ATP10A: variants seen among roughly 807,000 people sequenced by gnomAD.
ATP10A encodes the protein phospholipid-transporting ATPase VA.
In ATP10A, 111 loss-of-function variants were observed where a neutral mutation model predicts 147.8. The ratio of observed to expected loss-of-function variants is 0.75; its 90% CI spans 0.64 to 0.88. The LOEUF (loss-of-function observed/expected upper bound fraction) is 0.88. ATP10A is among the 40% of genes least tolerant of loss of function. ATP10A has a pLI of 0.00. For synonymous variants in ATP10A, 875 were observed against 841.6 expected (o/e 1.04, Z -0.69); for missense variants, 1,927 against 1,959.0 (o/e 0.98, Z 0.31).
At chr15:25,759,130 T>A (rs570671342) in intron 2 of ATP10A, among the ~76,000 whole-genome samples, 1 of 152,374 alleles carries the variant, frequency 6.6e-6, no homozygotes, top group African/African-American at 2.4e-5. Flanking sequence ...TTGTTCCATC[T>A]GTAAGGGCGC....
At chr15:25,765,730 A>G (rs979977106) in intron 2 of ATP10A, among the ~76,000 whole-genome samples, 11 of 152,214 alleles carry the variant, frequency 7.2e-5, no homozygotes, top group African/African-American at 2.2e-4. Flanking sequence ...AGACAGAGGT[A>G]TTGTATTCAT....
intron 2 of ATP10A, among the ~76,000 whole-genome samples, chr15:25,764,067 A>G (rs1004474265): frequency 1.3e-5 from 2 of 152,290 alleles, no homozygotes; most frequent in African/African-American, 2.4e-5. Flanking sequence ...AGGGCTTCTC[A>G]GTCTCCAATG....
At chr15:25,707,123 G>A (rs967396485) in intron 12 of ATP10A, among the ~76,000 whole-genome samples, 1 of 152,220 alleles carries the variant, frequency 6.6e-6, no homozygotes, top group Non-Finnish European at 1.5e-5. Context: ...AATGTGTGCA[G>A]ATATATGTTA....
chr15:25,698,262 C>G (rs1900462678), intron 13 of ATP10A, among the ~76,000 whole-genome samples: 1 of 152,230 alleles, frequency 6.6e-6, no homozygotes, highest in Non-Finnish European at 1.5e-5. Flanking sequence ...ACTATCCTCA[C>G]AGTTTTTCTC....
At chr15:25,707,162 C>T (rs1213545535) in intron 12 of ATP10A, among the ~76,000 whole-genome samples, 1 of 152,158 alleles carries the variant, frequency 6.6e-6, no homozygotes, top group Non-Finnish European at 1.5e-5. Context: ...CTATTAAATG[C>T]AAACCTTAAC....
intron 13 of ATP10A, among the ~76,000 whole-genome samples, chr15:25,701,408 C>A (rs964081287): frequency 6.6e-6 from 1 of 152,176 alleles, no homozygotes; most frequent in Non-Finnish European, 1.5e-5. Flanking sequence ...AGACAGTTCC[C>A]TGCTCCATTC....
intron 1 of ATP10A, among the ~76,000 whole-genome samples, chr15:25,854,755 A>C (rs1323403551): frequency 2.0e-5 from 3 of 152,186 alleles, no homozygotes; most frequent in Admixed American, 2.0e-4. Flanking sequence ...ATCTTCACAA[A>C]ATCTTCCAAA....
rs1483459450 is a variant in ATP10A at position 25,679,494 on chromosome 15, C to G, written c.4347G>C (p.Arg1449Ser). ...NWISSWSLVS[R>S]LGSVLQFSRT... ...GGGAGAACTGTAAGACACTCCCCAG[C>G]CTGCTGACCAGCGACCAGGAGGAAA... Residue 1449 changes from arginine to serine, a missense_variant, in exon 21 of 21, where the codon AGG becomes AGC. Transcript: ENST00000555815. 2 of 1,613,910 alleles carry G rather than the reference C, an allele frequency of 1.2e-6. No individual in the cohort carries two copies.
At chr15:25,742,958 G>A (rs371728253) in intron 2 of ATP10A, among the ~76,000 whole-genome samples, 2 of 152,224 alleles carry the variant, frequency 1.3e-5, no homozygotes, top group Non-Finnish European at 2.9e-5. Context: ...CACTACAGGT[G>A]GGGGTGATGG....
chr15:25,743,051 GCT>G (rs1189921761), intron 2 of ATP10A, among the ~76,000 whole-genome samples: 1 of 152,170 alleles, frequency 6.6e-6, no homozygotes, highest in African/African-American at 2.4e-5. Context: ...GAGAAAAGGT[GCT>G]CTCTCTGTGC....
At chr15:25,714,375 A>T (rs1368537247) in intron 9 of ATP10A, 134 bp from the exon 10 acceptor site, 2 of 753,982 alleles carry the variant, frequency 2.7e-6, no homozygotes, top group Non-Finnish European at 2.1e-6. Context: ...CTCAGAGCAC[A>T]GATTTCCCAT....
At chr15:25,725,147 AC>A (rs1182099565) in intron 5 of ATP10A, among the ~76,000 whole-genome samples, 1 of 152,112 alleles carries the variant, frequency 6.6e-6, no homozygotes, top group Non-Finnish European at 1.5e-5. Context: ...AGGAGCACGA[AC>A]CCTATTGTGA....
At chr15:25,758,793 C>A (rs1888579982) in intron 2 of ATP10A, among the ~76,000 whole-genome samples, 1 of 135,766 alleles carries the variant, frequency 7.4e-6, no homozygotes, top group Non-Finnish European at 1.5e-5. Context: ...TCATTCCGAC[C>A]ACCTGCTCCA....
chr15:25,690,487 G>A lies in ATP10A; in HGVS notation c.3165+1228C>T, dbSNP rs774660946. On this transcript the variant is annotated intron_variant, in intron 15 of 20. Coordinates refer to ENST00000555815, the MANE Select transcript of ATP10A (RefSeq NM_024490.4). ...ACTCCTGGCCTCTGGTGATCCTCCT[G>A]TCTTGTCCTTCCAAAGTACTGAAAT... 1.4e-4 allele frequency among the ~76,000 whole-genome samples: 21 copies of A among 152,302 alleles called. No homozygotes were observed. The Middle Eastern group carries it at 0.014, about 99-fold the overall frequency.
intron 10 of ATP10A, among the ~76,000 whole-genome samples, chr15:25,712,686 A>C (rs1377418453): frequency 6.6e-6 from 1 of 152,244 alleles, no homozygotes; most frequent in Non-Finnish European, 1.5e-5. Flanking sequence ...ACTCCAAGGC[A>C]GAGCCACTGC....
At chr15:25,812,054 C>T (rs1370952176) in intron 1 of ATP10A, among the ~76,000 whole-genome samples, 2 of 152,206 alleles carry the variant, frequency 1.3e-5, no homozygotes, top group Admixed American at 6.5e-5. Context: ...GGCGCAAACA[C>T]GCTCCCCTAA....
rs368371177 is a variant in ATP10A, at chr15:25,798,850, C to T, written c.450-17627G>A. Among the ~76,000 whole-genome samples the T allele has an allele frequency of 2.3e-4, 35 of 152,268 alleles. No individual in the cohort carries two copies. In the South Asian group the frequency reaches 7.1e-3, roughly 31 times the overall value. ...CCTTCACTCCTCCTCGGGAGGGCACCGTGCGCCTCCCGCATCCACCAGCCC... is the reference window on the plus strand; with the variant it reads ...CCTTCACTCCTCCTCGGGAGGGCACTGTGCGCCTCCCGCATCCACCAGCCC... On this transcript the variant is annotated intron_variant, in intron 1 of 20. Transcript: ENST00000555815.
At chr15:25,736,216 G>A in intron 2 of ATP10A, 75 bp from the exon 3 acceptor site, 1 of 1,271,138 alleles carries the variant, frequency 7.9e-7, no homozygotes, top group Non-Finnish European at 1.1e-6. Context: ...TCGCTTTTCT[G>A]TCTCGCATCC....
rs577158173 is a variant in ATP10A at position 25,718,451 on chromosome 15, C to T, written c.1364-52G>A. On this transcript the variant is annotated intron_variant, in intron 7 of 20. Transcript: ENST00000555815. The stretch of plus-strand genomic sequence containing the variant: ...CATCATGGGGGAAGGCTGGGCGGAG[C>T]AGAAAGAAACCATTCAGTGTGTTTT... 2.4e-5 allele frequency: 36 copies of T among 1,524,572 alleles called. No homozygotes were observed. The East Asian group carries it at 3.9e-4, about 16-fold the overall frequency. 94.4% of individuals were successfully genotyped at this position (1,524,572 alleles called of 1,614,324 possible). A position where few individuals can be genotyped will look rare whatever the true frequency, so the allele number is the denominator to read the frequency against.
Sources: allele counts gnomAD v4.1 joint callset (sites outside exome capture counted in the v4.1 genomes callset), GRCh38; gene constraint gnomAD v4.1.1; transcripts MANE v1.5; gene names NCBI Gene and HGNC (gene_info 2026-07-23, HGNC 2026-07-21).